The following ITPR2 variants were observed in gnomAD, a reference collection of about 807,000 sequenced individuals.
ITPR2 encodes the protein inositol 1,4,5-trisphosphate-gated calcium channel ITPR2.
ITPR2 carries 207 observed loss-of-function variants against 317.1 expected under a neutral mutation model. The ratio of observed to expected loss-of-function variants is 0.65; its 90% CI spans 0.58 to 0.73. The LOEUF is 0.73. ITPR2 is among the 30% of genes least tolerant of loss of function. ITPR2 has a pLI of 0.00. For missense variants in ITPR2, 2,613 were observed against 3,284.0 expected (o/e 0.80, Z 4.99); for synonymous variants, 1,156 against 1,149.1 (o/e 1.01, Z -0.12).
rs776871272 is a variant in ITPR2 at position 26,715,815 on chromosome 12, G to A, written c.645C>T (p.Asn215=). The A allele has an allele frequency of 3.1e-6, 5 of 1,609,702 alleles. No individual in the cohort carries two copies. In the South Asian group the frequency reaches 5.5e-5, roughly 18 times the overall value. The change falls in exon 7 of 57, where the codon AAC becomes AAT. Residue 215 remains asparagine (N), a synonymous_variant. Transcript: ENST00000381340. ...TGAATAAAGTGATTTTCCAGCTGGT[G>A]TTGCAATTGACAGCATTCACCTATT... The part of the protein sequence containing the change: ...GCKEVNAVNC[N]TSWKITLFMK...
At chr12:26,425,704 C>A (rs548022109) in intron 49 of ITPR2, among the ~76,000 whole-genome samples, 1 of 151,624 alleles carries the variant, frequency 6.6e-6, no homozygotes, top group African/African-American at 2.4e-5. Flanking sequence ...GCTGGTAGAC[C>A]ACAATGTATC....
rs187179575 is a variant in ITPR2 at position 26,703,967 on chromosome 12, G to C, written c.951+7206C>G. 2.6e-3 allele frequency among the ~76,000 whole-genome samples: 397 copies of C among 152,298 alleles called. 1 individual carries two copies. Among genetic ancestry groups the C allele is most frequent in the African/African-American group, 8.7e-3 (360 of 41,568 alleles). Reference sequence around the variant, plus strand: ...AACTGTGAACTGTGATAAGCCCAAAGAAATGCTATAAACATTTCCTCCCTA... The same window carrying C: ...AACTGTGAACTGTGATAAGCCCAAACAAATGCTATAAACATTTCCTCCCTA... On this transcript the variant is annotated intron_variant, in intron 9 of 56. Coordinates refer to ENST00000381340, the MANE Select transcript of ITPR2 (RefSeq NM_002223.4).
chr12:26,448,860 T>A (rs932634991), intron 45 of ITPR2, among the ~76,000 whole-genome samples: 3 of 152,174 alleles, frequency 2.0e-5, no homozygotes, highest in African/African-American at 7.2e-5. Flanking sequence ...AGACAGCACA[T>A]AAGTGCAAAC....
At chr12:26,351,354 G>T (rs1938479316) in intron 55 of ITPR2, among the ~76,000 whole-genome samples, 1 of 152,234 alleles carries the variant, frequency 6.6e-6, no homozygotes, top group African/African-American at 2.4e-5. Flanking sequence ...ATTTGATGAT[G>T]AAATGATGGG....
At chr12:26,514,272 G>T (rs927212980) in intron 37 of ITPR2, among the ~76,000 whole-genome samples, 2 of 152,196 alleles carry the variant, frequency 1.3e-5, no homozygotes, top group African/African-American at 4.8e-5. Flanking sequence ...AGCACTGGCT[G>T]GGATTTGTAT....
At chr12:26,788,655 C>T (rs1056876450) in intron 2 of ITPR2, among the ~76,000 whole-genome samples, 1 of 152,174 alleles carries the variant, frequency 6.6e-6, no homozygotes, top group African/African-American at 2.4e-5. Flanking sequence ...GGCCTCTATT[C>T]CAGTCTCCCT....
At chr12:26,441,820 G>A (rs1201137707) in intron 46 of ITPR2, among the ~76,000 whole-genome samples, 1 of 152,058 alleles carries the variant, frequency 6.6e-6, no homozygotes, top group Non-Finnish European at 1.5e-5. Flanking sequence ...ATTCAAACCA[G>A]TAGCCCAGAG....
intron 40 of ITPR2, among the ~76,000 whole-genome samples, chr12:26,486,640 G>A (rs1231391605): frequency 2.0e-5 from 3 of 152,230 alleles, no homozygotes; most frequent in African/African-American, 7.2e-5. Context: ...ATTCAAGGAG[G>A]TAAGAAAATG....
chr12:26,339,907 C>A (rs1938048955), intron 56 of ITPR2, among the ~76,000 whole-genome samples: 1 of 151,934 alleles, frequency 6.6e-6, no homozygotes, highest in East Asian at 1.9e-4. Context: ...TTTTTAAATG[C>A]AAAGAGGTGC....
chr12:26,663,637 C>T (rs371516688), intron 15 of ITPR2, 48 bp downstream of exon 15: 39 of 1,515,504 alleles, frequency 2.6e-5, no homozygotes, highest in Non-Finnish European at 3.5e-5. Flanking sequence ...AAGAACCTTG[C>T]CCATACTTTA....
chr12:26,806,331 T>G (rs1459207900), intron 1 of ITPR2, among the ~76,000 whole-genome samples: 1 of 152,068 alleles, frequency 6.6e-6, no homozygotes. Context: ...TGTACTCAAC[T>G]TCTTGGTGGA....
intron 52 of ITPR2, among the ~76,000 whole-genome samples, chr12:26,402,544 TG>T (rs1309754417): frequency 6.6e-6 from 1 of 152,228 alleles, no homozygotes; most frequent in African/African-American, 2.4e-5. Context: ...GATTAGCTGT[TG>T]TGGAATAAAA....
At chr12:26,617,276 A>C (rs1946392249) in intron 26 of ITPR2, among the ~76,000 whole-genome samples, 1 of 152,246 alleles carries the variant, frequency 6.6e-6, no homozygotes, top group Admixed American at 6.5e-5. Flanking sequence ...TACAGCAGAA[A>C]TTTAAAAGAT....
chr12:26,818,344 T>G (rs1950892422), intron 1 of ITPR2, among the ~76,000 whole-genome samples: 9 of 152,226 alleles, frequency 5.9e-5, no homozygotes, highest in Admixed American at 5.9e-4. Context: ...GTGATAATAC[T>G]TTAAAAGACC....
intron 49 of ITPR2, among the ~76,000 whole-genome samples, chr12:26,424,170 T>C (rs1013135304): frequency 1.3e-5 from 2 of 152,364 alleles, no homozygotes; most frequent in African/African-American, 2.4e-5. Flanking sequence ...ACAGCTGCCA[T>C]TGTTACTATC....
rs1198006597 is a variant in ITPR2, at chr12:26,589,810, A to T, written c.4380+5655T>A. 3.5e-4 allele frequency among the ~76,000 whole-genome samples: 12 copies of T among 33,806 alleles called. 1 individual carries two copies. The highest frequency in any genetic ancestry group is 7.0e-4 in the African/African-American group (9 of 12,946). The allele number at this position is 33,806 out of a possible 152,430, so 22.2% of individuals were successfully genotyped here. A position where few individuals can be genotyped will look rare whatever the true frequency, so the allele number is the denominator to read the frequency against. ...TCAAAAAAAAAAATAAATAAATAAAAAATAAATAAATAAATAAATAAACAT... is the reference window on the plus strand; with the variant it reads ...TCAAAAAAAAAAATAAATAAATAAATAATAAATAAATAAATAAATAAACAT... On this transcript the variant is annotated intron_variant, in intron 32 of 56. Coordinates refer to ENST00000381340, the MANE Select transcript of ITPR2 (RefSeq NM_002223.4).
chr12:26,505,724 C>T (rs1943168840), intron 37 of ITPR2, among the ~76,000 whole-genome samples: 1 of 151,990 alleles, frequency 6.6e-6, no homozygotes, highest in Admixed American at 6.6e-5. Flanking sequence ...ACCATTGATT[C>T]CAACACCTAG....
At chr12:26,532,108 C>A (rs1166140658) in intron 37 of ITPR2, among the ~76,000 whole-genome samples, 1 of 152,118 alleles carries the variant, frequency 6.6e-6, no homozygotes, top group Non-Finnish European at 1.5e-5. Flanking sequence ...TCCTTAAAAT[C>A]ATGACAATTT....
chr12:26,743,763 T>G (rs1432435528), intron 2 of ITPR2, among the ~76,000 whole-genome samples: 3 of 152,112 alleles, frequency 2.0e-5, no homozygotes, highest in African/African-American at 7.2e-5. Flanking sequence ...TGGTGGCACA[T>G]GCCTGTAGTC....
Sources: gnomAD v4.1 joint callset for allele counts (sites outside exome capture counted in the v4.1 genomes callset) on GRCh38, gnomAD v4.1.1 for gene constraint, MANE v1.5 for transcripts, NCBI Gene and HGNC (gene_info 2026-07-23, HGNC 2026-07-21) for gene names.